The following SEMA4D variants were observed in gnomAD, a reference collection of about 807,000 sequenced individuals.
SEMA4D encodes semaphorin 4D, also known as semaphorin-4D.
SEMA4D carries 22 observed loss-of-function variants against 74.8 expected under a neutral mutation model. That is an observed-to-expected ratio of 0.29 (90% confidence interval 0.21 to 0.42). The LOEUF (loss-of-function observed/expected upper bound fraction) is 0.42, where lower values mean the gene tolerates loss of function less well. Ranked by LOEUF, SEMA4D falls within the 10% of genes least tolerant of loss-of-function variation. The probability of loss-of-function intolerance (pLI) is 1.00; values close to 1 mark genes in which losing one functional copy is unlikely to be tolerated. For missense variants in SEMA4D, 937 were observed against 1,118.4 expected, an observed-to-expected ratio of 0.84 and a Z score of 2.31; for synonymous variants, 445 against 463.7, an observed-to-expected ratio of 0.96 and a Z score of 0.52.
rs140677102 is a variant in SEMA4D, at chr9:89,452,868, G to A, written c.-244+3020C>T. On this transcript the variant is annotated intron_variant, in intron 2 of 15. Transcript: ENST00000422704. ...ATCTCCAAAGCCAGGCTTCAGAGAG[G>A]AAAGCTCACATTGTTCATCATTAGT... 7.3e-3 allele frequency among the ~76,000 whole-genome samples: 1,106 copies of A among 152,300 alleles called. 4 individuals are homozygous for A. Among genetic ancestry groups the A allele is most frequent in the Non-Finnish European group, 0.011 (774 of 68,024 alleles).
Position 89,391,225 on chromosome 9 carries a change from T to C in SEMA4D, c.774+39A>G, listed in dbSNP as rs370133102. 6 of 1,602,516 alleles carry C rather than the reference T, an allele frequency of 3.7e-6. No homozygotes were observed. In the African/African-American group the frequency reaches 5.4e-5, roughly 14 times the overall value. On this transcript the variant is annotated intron_variant, in intron 9 of 15. Coordinates refer to ENST00000422704, the MANE Select transcript of SEMA4D (RefSeq NM_001371194.2). ...CCATCATCCAGGCACACTATTGCCATGGCAGGGGCCAAGCGAAGCCAGAGT... is the reference window on the plus strand; with the variant it reads ...CCATCATCCAGGCACACTATTGCCACGGCAGGGGCCAAGCGAAGCCAGAGT...
At chr9:89,397,329 G>C (rs1587559298) in intron 5 of SEMA4D, among the ~76,000 whole-genome samples, 1 of 152,308 alleles carries the variant, frequency 6.6e-6, no homozygotes, top group Middle Eastern at 3.4e-3. Context: ...GCCTGGAGAA[G>C]TGTCCACCCT....
At position 89,475,217 on chromosome 9, in the gene SEMA4D, G is replaced by A. The variant is rs528115577; in HGVS notation, c.-309-19264C>T. 1.6e-3 allele frequency among the ~76,000 whole-genome samples: 244 copies of A among 152,328 alleles called. 2 individuals are homozygous for A. Among genetic ancestry groups the A allele is most frequent in the Non-Finnish European group, 3.1e-3 (213 of 68,008 alleles). On this transcript the variant is annotated intron_variant, in intron 1 of 15. Transcript: ENST00000422704. Reference sequence around the variant, plus strand: ...TGAGAACCAGTGTCACAGAGGCTGGGCAGGAAGCCCCAAGGGCCTGAAAGC... The same window carrying A: ...TGAGAACCAGTGTCACAGAGGCTGGACAGGAAGCCCCAAGGGCCTGAAAGC...
rs555587686 is a variant in SEMA4D at position 89,387,078 on chromosome 9, C to A, written c.1330+308G>T. Reference sequence around the variant, plus strand: ...CTCCTCCCAGGTGGCTCACACCTGCCCCCTGCGTGGGCACTGCCCCAACTC... The same window carrying A: ...CTCCTCCCAGGTGGCTCACACCTGCACCCTGCGTGGGCACTGCCCCAACTC... On this transcript the variant is annotated intron_variant, in intron 12 of 15. Coordinates refer to ENST00000422704, the MANE Select transcript of SEMA4D (RefSeq NM_001371194.2). 1.1e-4 allele frequency: 34 copies of A among 321,356 alleles called. 1 individual carries two copies. Among genetic ancestry groups the A allele is most frequent in the Admixed American group, 7.4e-4 (16 of 21,602 alleles). The allele number at this position is 321,356 out of a possible 1,614,324, so 19.9% of individuals were successfully genotyped here.
At chr9:89,396,201 C>A (rs1840924002) in intron 6 of SEMA4D, among the ~76,000 whole-genome samples, 1 of 152,166 alleles carries the variant, frequency 6.6e-6, no homozygotes, top group South Asian at 2.1e-4. Context: ...AGTGAGCAAG[C>A]TGCACACCAC....
intron 2 of SEMA4D, chr9:89,449,815 T>A: frequency 6.7e-7 from 1 of 1,496,192 alleles, no homozygotes; most frequent in African/African-American, 1.4e-5. Context: ...AATAACTGTG[T>A]ATGTCACTTC....
At chr9:89,396,679 T>C (rs1841033473) in intron 6 of SEMA4D, 58 bp downstream of exon 6, 3 of 1,419,284 alleles carry the variant, frequency 2.1e-6, no homozygotes, top group Non-Finnish European at 3.0e-6. Context: ...TGAGCCCCCT[T>C]CTACTTTAAC....
intron 2 of SEMA4D, among the ~76,000 whole-genome samples, chr9:89,436,888 G>A (rs1269100063): frequency 6.6e-6 from 1 of 152,214 alleles, no homozygotes; most frequent in Non-Finnish European, 1.5e-5. Flanking sequence ...TGGCAGGATG[G>A]GTGAGCTGCC....
intron 5 of SEMA4D, 139 bp downstream of exon 5, chr9:89,399,137 C>G (rs570354459): frequency 1.4e-6 from 1 of 718,808 alleles, no homozygotes; most frequent in Admixed American, 2.4e-5. Flanking sequence ...AGACGCATCA[C>G]AACAAAACCA....
At chr9:89,396,991 A>C (rs1841113808) in intron 5 of SEMA4D, among the ~76,000 whole-genome samples, 156 bp from the exon 6 acceptor site, 1 of 152,232 alleles carries the variant, frequency 6.6e-6, no homozygotes, top group African/African-American at 2.4e-5. Context: ...GTGCATTCTC[A>C]GCCTTGTCTT....
chr9:89,456,492 A>G (rs1227526914), intron 1 of SEMA4D, among the ~76,000 whole-genome samples: 1 of 152,264 alleles, frequency 6.6e-6, no homozygotes, highest in Non-Finnish European at 1.5e-5. Flanking sequence ...AAAATTAATT[A>G]CATACTCAAA....
rs1223010793 is a variant in SEMA4D at position 89,387,318 on chromosome 9, C to T, written c.1330+68G>A. 11 of 1,335,234 alleles carry T rather than the reference C, an allele frequency of 8.2e-6. No homozygotes were observed. In the African/African-American group the frequency reaches 1.0e-4, roughly 12 times the overall value. 82.7% of individuals were successfully genotyped at this position (1,335,234 alleles called of 1,614,324 possible). Reference sequence around the variant, plus strand: ...TACTCACGAAAGAATAATTGGATTTCCCAGTTTTCCTACCAGAGGACACAG... The same window carrying T: ...TACTCACGAAAGAATAATTGGATTTTCCAGTTTTCCTACCAGAGGACACAG... On this transcript the variant is annotated intron_variant, in intron 12 of 15. Coordinates refer to ENST00000422704, the MANE Select transcript of SEMA4D (RefSeq NM_001371194.2).
rs1365625154 is a variant in SEMA4D at position 89,371,704 on chromosome 9, A to ATGTGTCTGGGGTGTGGTG, written c.1882+5111_1882+5128dup. On this transcript the variant is annotated intron_variant, in intron 16 of 18. Transcript: ENST00000339861. ...GTGTGTGGGGTGTGATGTGTGTGGGATGTGTCTGGGGTGTGGTGTGTGTCT... is the reference window on the plus strand; with the variant it reads ...GTGTGTGGGGTGTGATGTGTGTGGGATGTGTCTGGGGTGTGGTGTGTGTCTGGGGTGTGGTGTGTGTCT... Among the ~76,000 whole-genome samples, 48 of 12,270 alleles carry ATGTGTCTGGGGTGTGGTG rather than the reference A, an allele frequency of 3.9e-3. 2 individuals are homozygous for ATGTGTCTGGGGTGTGGTG. Among genetic ancestry groups the ATGTGTCTGGGGTGTGGTG allele is most frequent in the Non-Finnish European group, 4.8e-3 (33 of 6,860 alleles). 8.0% of individuals were successfully genotyped at this position (12,270 alleles called of 152,430 possible). A position where few individuals can be genotyped will look rare whatever the true frequency, so the allele number is the denominator to read the frequency against.
exon 19 of SEMA4D, chr9:89,362,190 T>A: frequency 1.4e-6 from 1 of 706,012 alleles, no homozygotes; most frequent in South Asian, 1.8e-5. Flanking sequence ...TTTTTAAGTC[T>A]TAGTTCCTGT....
chr9:89,497,121 C>T (rs915593226), intron 1 of SEMA4D, among the ~76,000 whole-genome samples: 1 of 152,224 alleles, frequency 6.6e-6, no homozygotes, highest in South Asian at 2.1e-4. Context: ...CCACCTACCC[C>T]CCAAAATACT....
chr9:89,386,421 G>T lies in SEMA4D; in HGVS notation c.1392C>A (p.Thr464=). ...LEHAVHIIEE[T]QLFQDFEPVQ... is the part of the protein sequence containing the mutation. ...CTGGCTCAAAGTCCTGGAAGAGCTG[G>T]GTCTCCTCGATGATGTGAACAGCGT... The change falls in exon 13 of 16, where the codon ACC becomes ACA. Residue 464 remains threonine (T), a synonymous_variant. Coordinates refer to ENST00000422704, the MANE Select transcript of SEMA4D (RefSeq NM_001371194.2). 1 of 1,614,066 alleles carries T rather than the reference G, an allele frequency of 6.2e-7. No individual in the cohort carries two copies. The highest frequency in any genetic ancestry group is 8.5e-7 in the Non-Finnish European group (1 of 1,179,986).
At chr9:89,387,136 G>C (rs1442917540) in intron 12 of SEMA4D, 2 of 460,316 alleles carry the variant, frequency 4.3e-6, no homozygotes, top group Non-Finnish European at 7.7e-6. Flanking sequence ...CCCCAGCCCA[G>C]CCCAGCCACA....
At chr9:89,406,580 C>T (rs543027418) in intron 2 of SEMA4D, among the ~76,000 whole-genome samples, 9 of 152,328 alleles carry the variant, frequency 5.9e-5, no homozygotes, top group South Asian at 2.1e-4. Flanking sequence ...GGCCCAAGGG[C>T]GTCTAGCACC....
chr9:89,473,756 G>A (rs1370506597), intron 1 of SEMA4D, among the ~76,000 whole-genome samples: 2 of 151,572 alleles, frequency 1.3e-5, no homozygotes, highest in African/African-American at 4.8e-5. Context: ...TTGGGAGGCT[G>A]AGGCAGGAGA....
Sources: allele counts gnomAD v4.1 joint callset (sites outside exome capture counted in the v4.1 genomes callset), GRCh38; gene constraint gnomAD v4.1.1; transcripts MANE v1.5; gene names NCBI Gene and HGNC (gene_info 2026-07-23, HGNC 2026-07-21).